The following PLA1A variants were observed in gnomAD, a reference collection of about 807,000 sequenced individuals.
The protein encoded by PLA1A is phospholipase A1 member A, also known as phosphatidylserine-specific phospholipase A1alpha.
In PLA1A, 47 loss-of-function variants were observed where a neutral mutation model predicts 49.4. The observed-to-expected ratio is 0.95, with a 90% CI of 0.75 to 1.21. The LOEUF (loss-of-function observed/expected upper bound fraction) is 1.21, where lower values mean the gene tolerates loss of function less well. Among genes scored for constraint, PLA1A ranks in the 50% most tolerant of loss-of-function variants. The pLI is 0.00. For missense variants in PLA1A, 561 were observed against 563.9 expected (o/e 0.99, Z 0.05); for synonymous variants, 224 against 207.9 (o/e 1.08, Z -0.67).
At chr3:119,602,014 A>G (rs1370292919) in intron 1 of PLA1A, among the ~76,000 whole-genome samples, 3 of 151,620 alleles carry the variant, frequency 2.0e-5, no homozygotes, top group African/African-American at 4.8e-5. Flanking sequence ...GGCCCAGCAA[A>G]CCTTGCTGGG....
At position 119,599,941 on chromosome 3, in the gene PLA1A, T is replaced by C. The variant is rs146418639; in HGVS notation, c.73+1955T>C. Among the ~76,000 whole-genome samples, 449 of 152,172 alleles carry C rather than the reference T, an allele frequency of 3.0e-3. 1 individual carries two copies. The highest frequency in any genetic ancestry group is 5.1e-3 in the Non-Finnish European group (344 of 68,000). The stretch of plus-strand genomic sequence containing the variant: ...AGTGCTGTCTCAGAAATTAAGTGAG[T>C]TGATGGATAGGCAGAGATAGAAGTG... On this transcript the variant is annotated intron_variant, in intron 1 of 10. Transcript: ENST00000273371.
rs1553795292 is a variant in PLA1A, at chr3:119,629,497, C to CTTTT, written c.*29_*30insTTTT. On this transcript the variant is annotated 3_prime_UTR_variant, in exon 11 of 11. Transcript: ENST00000273371. ...AACCTGGGCAGGACACATCTCCCTG[C>CTTTT]ATTTTTTTTTTTTTTTTGAGAGAGA... The CTTTT allele has an allele frequency of 4.5e-6, 4 of 892,956 alleles. No individual in the cohort carries two copies. Among genetic ancestry groups the CTTTT allele is most frequent in the Admixed American group, 2.7e-5 (1 of 37,394 alleles). 55.3% of individuals were successfully genotyped at this position (892,956 alleles called of 1,614,324 possible).
intron 6 of PLA1A, among the ~76,000 whole-genome samples, chr3:119,616,427 A>T (rs933096965): frequency 1.2e-4 from 19 of 152,224 alleles, no homozygotes; most frequent in African/African-American, 4.3e-4. Flanking sequence ...CAACTCAAAC[A>T]GTCCTCTAAA....
intron 1 of PLA1A, among the ~76,000 whole-genome samples, chr3:119,606,542 G>C (rs1024157269): frequency 6.6e-6 from 1 of 152,144 alleles, no homozygotes; most frequent in African/African-American, 2.4e-5. Context: ...ATCTAGTTGA[G>C]CAATATTCCT....
chr3:119,604,193 G>A (rs1018962823), intron 1 of PLA1A, among the ~76,000 whole-genome samples: 1 of 152,148 alleles, frequency 6.6e-6, no homozygotes, highest in African/African-American at 2.4e-5. Context: ...TACGATGGAG[G>A]CTCCTCAGAA....
chr3:119,617,157 A>G (rs1172324451), intron 6 of PLA1A, among the ~76,000 whole-genome samples: 2 of 152,248 alleles, frequency 1.3e-5, no homozygotes, highest in Non-Finnish European at 2.9e-5. Flanking sequence ...AAACTTAAAT[A>G]GTAAATAACA....
intron 1 of PLA1A, 22 bp downstream of exon 1, chr3:119,598,008 G>A: frequency 6.7e-7 from 1 of 1,485,398 alleles, no homozygotes; most frequent in Non-Finnish European, 9.3e-7. Flanking sequence ...CTCAGGCCTT[G>A]GGAGGAACTT....
chr3:119,629,021 G>A (rs1286047734), intron 10 of PLA1A, among the ~76,000 whole-genome samples, 156 bp downstream of exon 10: 1 of 152,196 alleles, frequency 6.6e-6, no homozygotes, highest in Non-Finnish European at 1.5e-5. Context: ...AGAACCTCCT[G>A]TGGGACCATC....
chr3:119,629,567 C>A lies in PLA1A; in HGVS notation c.*99C>A. 1.4e-6 allele frequency: 1 copy of A among 701,774 alleles called. No individual in the cohort carries two copies. The highest frequency in any genetic ancestry group is 2.5e-5 in the East Asian group (1 of 40,020). The allele number at this position is 701,774 out of a possible 1,614,324, so 43.5% of individuals were successfully genotyped here. A position where few individuals can be genotyped will look rare whatever the true frequency, so the allele number is the denominator to read the frequency against. Reference sequence around the variant, plus strand: ...GTGTGCAGCTTATTGTAGACCATTACTACTAAGGAGAAAAGCAAAGCTCTT... The same window carrying A: ...GTGTGCAGCTTATTGTAGACCATTAATACTAAGGAGAAAAGCAAAGCTCTT... On this transcript the variant is annotated 3_prime_UTR_variant, in exon 11 of 11. Coordinates refer to ENST00000273371, the MANE Select transcript of PLA1A (RefSeq NM_015900.4).
intron 8 of PLA1A, among the ~76,000 whole-genome samples, chr3:119,620,787 A>AGTCAACT (rs1340685393): frequency 1.3e-5 from 2 of 152,216 alleles, no homozygotes; most frequent in African/African-American, 4.8e-5. Context: ...TGGACTACAG[A>AGTCAACT]GTCAACTGTG....
intron 1 of PLA1A, among the ~76,000 whole-genome samples, chr3:119,598,269 A>T (rs2082568250): frequency 6.6e-6 from 1 of 152,216 alleles, no homozygotes; most frequent in South Asian, 2.1e-4. Context: ...ACTGTAAGAA[A>T]ATAAAATTTG....
At chr3:119,612,737 C>T (rs552445140) in intron 4 of PLA1A, among the ~76,000 whole-genome samples, 129 of 152,296 alleles carry the variant, frequency 8.5e-4, no homozygotes, top group Middle Eastern at 6.8e-3. Flanking sequence ...ATCCGCCTGC[C>T]TCGGCCTCCC....
chr3:119,608,728 T>C (rs748774228), intron 2 of PLA1A, 42 bp from the exon 3 acceptor site: 1 of 1,469,480 alleles, frequency 6.8e-7, no homozygotes, highest in East Asian at 2.3e-5. Flanking sequence ...GAATATCCAC[T>C]TGGCAGGTAA....
At chr3:119,598,336 T>C (rs1490370457) in intron 1 of PLA1A, among the ~76,000 whole-genome samples, 1 of 152,210 alleles carries the variant, frequency 6.6e-6, no homozygotes, top group Non-Finnish European at 1.5e-5. Flanking sequence ...CCAAGATATA[T>C]TTAATTTTAA....
At position 119,628,879 on chromosome 3, in the gene PLA1A, T is replaced by C. The variant is rs200815527; in HGVS notation, c.1286+14T>C. The C allele has an allele frequency of 1.2e-6, 2 of 1,609,374 alleles. No homozygotes were observed. Among genetic ancestry groups the C allele is most frequent in the Non-Finnish European group, 1.7e-6 (2 of 1,175,904 alleles). ...TGTCAATGACAGGTAAGCCCCAGTATTCACCTCTGCACCAGATGCACTCAC... is the reference window on the plus strand; with the variant it reads ...TGTCAATGACAGGTAAGCCCCAGTACTCACCTCTGCACCAGATGCACTCAC... On this transcript the variant is annotated intron_variant, in intron 10 of 10. Transcript: ENST00000273371.
chr3:119,605,738 G>A (rs2082677720), intron 1 of PLA1A, among the ~76,000 whole-genome samples: 1 of 152,220 alleles, frequency 6.6e-6, no homozygotes, highest in Non-Finnish European at 1.5e-5. Context: ...GTGATGCTGG[G>A]TGCTGAAAAT....
chr3:119,608,297 A>AAAGAAAGAAAGT (rs1409211276), intron 2 of PLA1A, among the ~76,000 whole-genome samples: 4 of 151,136 alleles, frequency 2.6e-5, no homozygotes, highest in Non-Finnish European at 5.9e-5. Context: ...AGAAAGAAAG[A>AAAGAAAGAAAGT]AAAAGAAAAT....
chr3:119,597,928 CTGGGAG>C lies in PLA1A; in HGVS notation c.16_21del (p.Trp6_Glu7del). On this transcript the variant is annotated inframe_deletion, in exon 1 of 11. Transcript: ENST00000273371. ...CCAGCTCAGCGATGCCCCCAGGTCC[CTGGGAG>C]AGCTGCTTCTGGGTGGGGGGCCTCA... 1 of 1,609,998 alleles carries C rather than the reference CTGGGAG, an allele frequency of 6.2e-7. No individual in the cohort carries two copies.
At chr3:119,602,353 T>A (rs566002168) in intron 1 of PLA1A, among the ~76,000 whole-genome samples, 1 of 152,358 alleles carries the variant, frequency 6.6e-6, no homozygotes, top group South Asian at 2.1e-4. Flanking sequence ...TTTCTGTTTT[T>A]CCTTTCTTGA....
Sources: gnomAD v4.1 joint callset for allele counts (sites outside exome capture counted in the v4.1 genomes callset) on GRCh38, gnomAD v4.1.1 for gene constraint, MANE v1.5 for transcripts, NCBI Gene and HGNC (gene_info 2026-07-23, HGNC 2026-07-21) for gene names.